Variants in RUNX1 observed in about 807,000 individuals in gnomAD.
RUNX1 encodes runt-related transcription factor 1.
In RUNX1, 19 loss-of-function variants were observed where a neutral mutation model predicts 42.8. That is an observed-to-expected ratio of 0.44 (90% CI 0.31 to 0.65). The LOEUF is 0.65. RUNX1 is among the 30% of genes least tolerant of loss of function. The pLI is 0.07. For missense variants in RUNX1, 528 were observed against 672.0 expected (o/e 0.79, Z 2.37); for synonymous variants, 271 against 289.4 (o/e 0.94, Z 0.64).
At chr21:34,939,696 G>A (rs2058512670) in intron 2 of RUNX1, among the ~76,000 whole-genome samples, 2 of 152,172 alleles carry the variant, frequency 1.3e-5, no homozygotes. Context: ...CCAGGGAGTT[G>A]AAACATATCT....
rs1273264193 is a variant in RUNX1 at position 34,788,357 on chromosome 21, TTTTC to T, written c.*3774_*3777del. On this transcript the variant is annotated 3_prime_UTR_variant, in exon 9 of 9. Transcript: ENST00000675419. ...AATAACACAAATAACCAACAGTTCT[TTTTC>T]TTTTTTTGCACATTCATTTCCCCTA... is the stretch of plus-strand genomic sequence containing the variant. 1 of 233,362 alleles carries T rather than the reference TTTTC, an allele frequency of 4.3e-6. No homozygotes were observed. Among genetic ancestry groups the T allele is most frequent in the East Asian group, 6.1e-5 (1 of 16,504 alleles). 14.5% of individuals were successfully genotyped at this position (233,362 alleles called of 1,614,324 possible). A position where few individuals can be genotyped will look rare whatever the true frequency, so the allele number is the denominator to read the frequency against.
At chr21:34,895,486 C>A (rs1017535054) in intron 2 of RUNX1, among the ~76,000 whole-genome samples, 3 of 152,134 alleles carry the variant, frequency 2.0e-5, no homozygotes, top group African/African-American at 7.2e-5. Flanking sequence ...CCCTGGTGGG[C>A]TCAGGAAAGA....
At chr21:34,888,906 GA>G (rs954201745) in intron 3 of RUNX1, among the ~76,000 whole-genome samples, 1 of 151,648 alleles carries the variant, frequency 6.6e-6, no homozygotes, top group African/African-American at 2.4e-5. Context: ...CGGGGAGTCG[GA>G]GGCCACCCCC....
At chr21:34,850,824 C>A (rs950267817) in intron 6 of RUNX1, among the ~76,000 whole-genome samples, 7 of 152,020 alleles carry the variant, frequency 4.6e-5, no homozygotes, top group Non-Finnish European at 8.8e-5. Context: ...ACCATTATGG[C>A]AACTTCATGA....
chr21:34,907,216 A>G lies in RUNX1; in HGVS notation c.59-14253T>C, dbSNP rs1478802641. On this transcript the variant is annotated intron_variant, in intron 2 of 8. Coordinates refer to ENST00000675419, the MANE Select transcript of RUNX1 (RefSeq NM_001754.5). The surrounding 1 kb of genome is among the most constrained non-coding windows in gnomAD (Gnocchi z 5.3). ...CCTAAACAGGAGAATCCCACTTAGC[A>G]TCTGCCCACAGGTAAGGGGCACAGA... 6.6e-6 allele frequency among the ~76,000 whole-genome samples: 1 copy of G among 152,180 alleles called. No homozygotes were observed. The highest frequency in any genetic ancestry group is 1.5e-5 in the Non-Finnish European group (1 of 68,030).
chr21:34,814,800 G>A (rs2056802837), intron 7 of RUNX1, among the ~76,000 whole-genome samples: 1 of 152,164 alleles, frequency 6.6e-6, no homozygotes, highest in Non-Finnish European at 1.5e-5. Context: ...ATTTCTGGGG[G>A]CCTGATAACA....
intron 2 of RUNX1, among the ~76,000 whole-genome samples, chr21:34,921,305 T>TC (rs2146555731): frequency 6.6e-6 from 1 of 152,230 alleles, no homozygotes; most frequent in Admixed American, 6.5e-5. Flanking sequence ...TGTTTCCCCC[T>TC]CCCCCACAGC....
chr21:34,997,202 A>C (rs1359319245), intron 2 of RUNX1, among the ~76,000 whole-genome samples: 1 of 152,266 alleles, frequency 6.6e-6, no homozygotes, highest in African/African-American at 2.4e-5. Context: ...ACTGAAATAA[A>C]ATCATGATTT....
chr21:35,015,783 C>G (rs956570475), intron 2 of RUNX1, among the ~76,000 whole-genome samples: 15 of 152,180 alleles, frequency 9.9e-5, no homozygotes, highest in Non-Finnish European at 2.1e-4. Context: ...ATGGAGTAAG[C>G]GTTGTCCCTG....
intron 2 of RUNX1, chr21:35,038,629 G>GTA (rs776739050): frequency 1.0e-4 from 47 of 453,406 alleles, no homozygotes; most frequent in Non-Finnish European, 2.2e-5. Flanking sequence ...GTGTGTGTGT[G>GTA]TGTGTGTGTG....
intron 2 of RUNX1, among the ~76,000 whole-genome samples, chr21:34,910,469 T>C (rs1325091145): frequency 6.6e-6 from 1 of 151,944 alleles, no homozygotes; most frequent in Admixed American, 6.6e-5. Context: ...AAGAACTGTA[T>C]AATGAAAGCT....
chr21:34,961,393 T>C (rs753376998), intron 2 of RUNX1, among the ~76,000 whole-genome samples: 3 of 151,700 alleles, frequency 2.0e-5, no homozygotes, highest in East Asian at 1.9e-4. Context: ...ATAATAATAA[T>C]AACAATAACA....
rs140841028 is a variant in RUNX1, at chr21:34,846,716, C to G, written c.614-12115G>C. On this transcript the variant is annotated intron_variant, in intron 6 of 8. Coordinates refer to ENST00000675419, the MANE Select transcript of RUNX1 (RefSeq NM_001754.5). Reference sequence around the variant, plus strand: ...TTTTAGAGTTCAACAGAGCAGCTCCCGAGAACAGACCAGCCCTCAAGACTC... The same window carrying G: ...TTTTAGAGTTCAACAGAGCAGCTCCGGAGAACAGACCAGCCCTCAAGACTC... Among the ~76,000 whole-genome samples the G allele has an allele frequency of 8.1e-4, 123 of 152,278 alleles. No individual in the cohort carries two copies. In the Middle Eastern group the frequency reaches 0.01, roughly 13 times the overall value.
chr21:35,038,595 CTCTCTCT>C (rs2059329680), intron 2 of RUNX1: 1 of 392,466 alleles, frequency 2.5e-6, no homozygotes, highest in African/African-American at 2.1e-5. Context: ...CTCTCTCTCT[CTCTCTCT>C]CTCTCTCTCT....
At chr21:34,796,762 T>C (rs2145896700) in intron 8 of RUNX1, among the ~76,000 whole-genome samples, 1 of 152,082 alleles carries the variant, frequency 6.6e-6, no homozygotes, top group East Asian at 1.9e-4. Flanking sequence ...TAATGCATGC[T>C]GTCTGTCGCC....
chr21:35,008,714 C>T (rs1350907505), intron 2 of RUNX1, among the ~76,000 whole-genome samples: 1 of 152,258 alleles, frequency 6.6e-6, no homozygotes, highest in East Asian at 1.9e-4. Flanking sequence ...AATTCTGCCA[C>T]TTTCACCCTC....
chr21:34,824,101 T>C (rs2056951566), intron 7 of RUNX1, among the ~76,000 whole-genome samples: 1 of 152,344 alleles, frequency 6.6e-6, no homozygotes, highest in South Asian at 2.1e-4. Flanking sequence ...TTCCTATCCA[T>C]GATTCAGTCA....
chr21:34,840,643 G>A (rs114210939), intron 6 of RUNX1, among the ~76,000 whole-genome samples: 4,126 of 152,144 alleles, frequency 0.027, 67 homozygotes, highest in African/African-American at 0.04. Context: ...CCACTGCCAA[G>A]TCTAGCTGTC....
intron 2 of RUNX1, among the ~76,000 whole-genome samples, chr21:34,951,362 T>C (rs770287891): frequency 2.6e-4 from 40 of 152,332 alleles, no homozygotes; most frequent in Non-Finnish European, 4.1e-4. Context: ...AGCTCTTTAG[T>C]TTAATTAGAT....
Sources: gnomAD v4.1 joint callset for allele counts (sites outside exome capture counted in the v4.1 genomes callset) on GRCh38, gnomAD v4.1.1 for gene constraint, Gnocchi (gnomAD v3.1) non-coding constraint, MANE v1.5 for transcripts, NCBI Gene and HGNC (gene_info 2026-07-23, HGNC 2026-07-21) for gene names.